The following CNTNAP2 variants were observed in gnomAD, a reference collection of about 807,000 sequenced individuals.
The protein encoded by CNTNAP2 is contactin associated protein 2.
CNTNAP2 carries 98 observed loss-of-function variants against 155.2 expected under a neutral mutation model. That is an observed-to-expected ratio of 0.63 (90% CI 0.54 to 0.75). CNTNAP2 has a LOEUF of 0.75. CNTNAP2 is among the 30% of genes least tolerant of loss of function. The pLI is 0.00. For missense variants in CNTNAP2, 1,727 were observed against 1,688.1 expected, an observed-to-expected ratio of 1.02 and a Z score of -0.40; for synonymous variants, 651 against 631.2, an observed-to-expected ratio of 1.03 and a Z score of -0.47.
intron 1 of CNTNAP2, among the ~76,000 whole-genome samples, chr7:146,549,688 A>G (rs1330151601): frequency 6.6e-6 from 1 of 152,140 alleles, no homozygotes; most frequent in African/African-American, 2.4e-5. Context: ...TTTGAAGTAG[A>G]TTCAAACAAA....
intron 1 of CNTNAP2, among the ~76,000 whole-genome samples, chr7:146,668,827 T>C (rs775504359): frequency 6.6e-5 from 10 of 152,090 alleles, no homozygotes; most frequent in Admixed American, 2.0e-4. Context: ...ATCCTTTGTA[T>C]TATGTGGTAT....
intron 5 of CNTNAP2, among the ~76,000 whole-genome samples, chr7:147,120,721 C>T (rs75216987): frequency 6.6e-5 from 10 of 151,480 alleles, no homozygotes; most frequent in Middle Eastern, 3.5e-3. Context: ...CATGCTGGTG[C>T]GCTGCACCCA....
chr7:146,387,610 AAAAAT>A (rs1414079564), intron 1 of CNTNAP2, among the ~76,000 whole-genome samples: 2 of 152,206 alleles, frequency 1.3e-5, no homozygotes, highest in African/African-American at 2.4e-5. Flanking sequence ...TCATGTGTTC[AAAAAT>A]AGACTGGTTG....
At chr7:146,834,112 T>C (rs1268096557) in intron 2 of CNTNAP2, among the ~76,000 whole-genome samples, 1 of 152,156 alleles carries the variant, frequency 6.6e-6, no homozygotes, top group East Asian at 1.9e-4. Flanking sequence ...TTTGCTAAAT[T>C]AGAATCCAGG....
chr7:146,356,512 C>G (rs1795000625), intron 1 of CNTNAP2, among the ~76,000 whole-genome samples: 1 of 152,082 alleles, frequency 6.6e-6, no homozygotes, highest in African/African-American at 2.4e-5. Flanking sequence ...CAAACATTGA[C>G]ATGAGAACAA....
intron 3 of CNTNAP2, among the ~76,000 whole-genome samples, chr7:147,027,196 A>T (rs906973971): frequency 6.6e-6 from 1 of 152,136 alleles, no homozygotes; most frequent in Non-Finnish European, 1.5e-5. Flanking sequence ...GTTTTATATT[A>T]TTCAGCTTAG....
intron 18 of CNTNAP2, among the ~76,000 whole-genome samples, chr7:148,196,796 G>A (rs1036237360): frequency 5.3e-5 from 8 of 152,056 alleles, no homozygotes; most frequent in Admixed American, 1.3e-4. Context: ...AGCCTCTTTT[G>A]GGCAGCAGGG....
chr7:146,172,348 T>C (rs1405110752), intron 1 of CNTNAP2, among the ~76,000 whole-genome samples: 2 of 152,056 alleles, frequency 1.3e-5, no homozygotes, highest in African/African-American at 4.8e-5. Flanking sequence ...AATATCCTAC[T>C]GTGTACATGA....
chr7:147,493,259 C>A (rs1012555523), intron 11 of CNTNAP2, among the ~76,000 whole-genome samples: 3 of 152,160 alleles, frequency 2.0e-5, no homozygotes, highest in African/African-American at 7.2e-5. Flanking sequence ...GCCACACTAG[C>A]TGATTTATAT....
intron 17 of CNTNAP2, among the ~76,000 whole-genome samples, chr7:148,163,769 G>T (rs950944253): frequency 6.6e-6 from 1 of 152,168 alleles, no homozygotes; most frequent in African/African-American, 2.4e-5. Flanking sequence ...AGAAACTACT[G>T]ATCAATACTT....
intron 18 of CNTNAP2, among the ~76,000 whole-genome samples, chr7:148,205,968 C>G (rs1173551527): frequency 6.6e-6 from 1 of 151,698 alleles, no homozygotes; most frequent in East Asian, 1.9e-4. Context: ...GTAAGGCACG[C>G]TTATTTGCAA....
intron 10 of CNTNAP2, among the ~76,000 whole-genome samples, chr7:147,411,599 G>A (rs866567831): frequency 3.3e-5 from 5 of 152,080 alleles, no homozygotes; most frequent in Non-Finnish European, 4.4e-5. Context: ...TATTTTCCCA[G>A]TGATTAAGAT....
intron 1 of CNTNAP2, among the ~76,000 whole-genome samples, chr7:146,179,389 A>G (rs920820387): frequency 3.7e-5 from 5 of 134,176 alleles, no homozygotes; most frequent in African/African-American, 1.6e-4. Context: ...ATATTTTTTG[A>G]TATCAAAGAA....
chr7:147,214,706 GA>G (rs1434569097), intron 8 of CNTNAP2, among the ~76,000 whole-genome samples: 2 of 152,082 alleles, frequency 1.3e-5, no homozygotes, highest in Non-Finnish European at 2.9e-5. Flanking sequence ...AAGCAAATTT[GA>G]AAGGAAGGTA....
At chr7:146,960,462 G>A (rs1023435979) in intron 3 of CNTNAP2, among the ~76,000 whole-genome samples, 2 of 151,914 alleles carry the variant, frequency 1.3e-5, no homozygotes, top group African/African-American at 4.9e-5. Context: ...ACTATGACCT[G>A]CAGTTTTTCT....
chr7:148,313,302 C>T (rs912716740), intron 21 of CNTNAP2, among the ~76,000 whole-genome samples: 7 of 150,618 alleles, frequency 4.6e-5, no homozygotes, highest in African/African-American at 7.3e-5. Context: ...CCGAGGTGAT[C>T]GGGCAGCGTC....
chr7:146,176,149 G>T (rs561161383), intron 1 of CNTNAP2, among the ~76,000 whole-genome samples: 8 of 152,216 alleles, frequency 5.3e-5, no homozygotes, highest in African/African-American at 1.9e-4. Flanking sequence ...AATTATTTCT[G>T]CACTAAATAA....
chr7:147,507,550 C>CTTTTTTT (rs3052511), intron 11 of CNTNAP2, among the ~76,000 whole-genome samples: 10 of 82,014 alleles, frequency 1.2e-4, no homozygotes, highest in Non-Finnish European at 1.6e-4. Flanking sequence ...CTCTTTCTTT[C>CTTTTTTT]TTTTTTTTTT....
intron 1 of CNTNAP2, among the ~76,000 whole-genome samples, chr7:146,177,424 C>T (rs1212524993): frequency 6.6e-6 from 1 of 152,110 alleles, no homozygotes; most frequent in Non-Finnish European, 1.5e-5. Flanking sequence ...CAAATCTCTA[C>T]AGGTTGACAT....
Sources: gnomAD v4.1 joint callset for allele counts (sites outside exome capture counted in the v4.1 genomes callset) on GRCh38, gnomAD v4.1.1 for gene constraint, MANE v1.5 for transcripts, NCBI Gene and HGNC (gene_info 2026-07-23, HGNC 2026-07-21) for gene names.